The following PHLDB2 variants were observed in gnomAD, a reference collection of about 807,000 sequenced individuals.
PHLDB2 encodes pleckstrin homology-like domain family B member 2.
A neutral mutation model predicts 123.6 loss-of-function variants in PHLDB2; 71 were observed. The observed-to-expected ratio is 0.57, with a 90% CI of 0.47 to 0.70. The LOEUF (loss-of-function observed/expected upper bound fraction) is 0.70, where lower values mean the gene tolerates loss of function less well. Among genes scored for constraint, PHLDB2 ranks in the 30% least tolerant of loss-of-function variants. PHLDB2 has a pLI of 0.00. For missense variants in PHLDB2, 1,446 were observed against 1,519.5 expected (o/e 0.95, Z 0.80); for synonymous variants, 547 against 541.6 (o/e 1.01, Z -0.14).
In PHLDB2 at chr3:111,884,087, C is replaced by A. The variant is rs1262949904; in HGVS notation, c.10C>A (p.His4Asn). The change falls in exon 2 of 18, where the codon CAT becomes AAT. Residue 4 changes from histidine (H) to asparagine (N), a missense_variant. By Grantham distance (68) the His-to-Asn change is moderately conservative. Coordinates refer to ENST00000431670, the MANE Select transcript of PHLDB2 (RefSeq NM_001134438.2). ...AGATTCCAGCAAGATTATGGAAGAG[C>A]ATAGCTACATACAAAAGGAGCTAGA... MEE[H>N]SYIQKELDLQ... 1 of 1,612,628 alleles carries A rather than the reference C, an allele frequency of 6.2e-7. No homozygotes were observed. Among genetic ancestry groups the A allele is most frequent in the African/African-American group, 1.3e-5 (1 of 74,936 alleles).
chr3:111,845,438 G>T (rs985055333), intron 1 of PHLDB2, among the ~76,000 whole-genome samples: 2 of 151,234 alleles, frequency 1.3e-5, no homozygotes, highest in African/African-American at 4.9e-5. Flanking sequence ...TACCTAACAG[G>T]GTGGCTGGTA....
chr3:111,959,870 A>G (rs9811962), intron 12 of PHLDB2, among the ~76,000 whole-genome samples: 68,122 of 151,986 alleles, frequency 0.45, 16,274 homozygotes, highest in African/African-American at 0.55. Context: ...TTTTTCCTCA[A>G]TGTGAAAACT....
intron 13 of PHLDB2, among the ~76,000 whole-genome samples, chr3:111,964,589 A>C (rs903474620): frequency 6.6e-6 from 1 of 151,892 alleles, no homozygotes; most frequent in East Asian, 1.9e-4. Flanking sequence ...TAATCCACCC[A>C]ACTTGGCCTC....
At chr3:111,845,889 G>A in exon 2 of PHLDB2, 1 of 1,614,210 alleles carries the variant, frequency 6.2e-7, no homozygotes, top group Non-Finnish European at 8.5e-7. Context: ...AGGATACCAA[G>A]AGAGAGGTGC....
intron 12 of PHLDB2, chr3:111,960,237 G>T (rs1011998968): frequency 1.8e-5 from 9 of 506,518 alleles, no homozygotes; most frequent in Admixed American, 6.4e-5. Flanking sequence ...GCAGCTTCAC[G>T]CATGTGACTA....
chr3:111,907,464 A>C (rs2067612697), intron 2 of PHLDB2, among the ~76,000 whole-genome samples: 1 of 152,078 alleles, frequency 6.6e-6, no homozygotes, highest in African/African-American at 2.4e-5. Context: ...GGCTTACCCA[A>C]GCTGTAGTAC....
chr3:111,888,730 G>A (rs1577003192), intron 2 of PHLDB2, among the ~76,000 whole-genome samples: 2 of 152,232 alleles, frequency 1.3e-5, no homozygotes, highest in African/African-American at 4.8e-5. Flanking sequence ...CAGGGTGCTT[G>A]TCATATATTA....
intron 5 of PHLDB2, among the ~76,000 whole-genome samples, chr3:111,922,394 C>T (rs1030944670): frequency 2.6e-5 from 4 of 152,156 alleles, no homozygotes; most frequent in Admixed American, 6.5e-5. Flanking sequence ...TCTAGGAACA[C>T]GGGCAGAAAC....
In PHLDB2 at chr3:111,959,449, G is replaced by A. The variant is rs546825040; in HGVS notation, c.2873-2659G>A. Reference sequence around the variant, plus strand: ...AATAAAAATCATGGGTTGGGAAAAAGATGCTTATTATTGGCCTCATGCTTT... The same window carrying A: ...AATAAAAATCATGGGTTGGGAAAAAAATGCTTATTATTGGCCTCATGCTTT... On this transcript the variant is annotated intron_variant, in intron 12 of 17. Transcript: ENST00000431670. Among the ~76,000 whole-genome samples the A allele has an allele frequency of 2.6e-5, 4 of 152,342 alleles. No homozygotes were observed. The East Asian group carries it at 7.7e-4, about 29-fold the overall frequency.
intron 2 of PHLDB2, among the ~76,000 whole-genome samples, chr3:111,897,180 T>A (rs2066923424): frequency 6.6e-6 from 1 of 152,240 alleles, no homozygotes; most frequent in African/African-American, 2.4e-5. Flanking sequence ...CCATATAGCA[T>A]GTAACCTGTG....
intron 5 of PHLDB2, among the ~76,000 whole-genome samples, chr3:111,931,523 C>T (rs2069147311): frequency 6.6e-6 from 1 of 152,006 alleles, no homozygotes; most frequent in Admixed American, 6.6e-5. Flanking sequence ...TTTTCACAGT[C>T]CGTGTTTCAG....
At chr3:111,765,475 G>A (rs377333651) in intron 1 of PHLDB2, among the ~76,000 whole-genome samples, 35 of 152,320 alleles carry the variant, frequency 2.3e-4, no homozygotes, top group African/African-American at 6.7e-4. Context: ...GTTTTCAGAT[G>A]AGAAAATGAG....
intron 1 of PHLDB2, among the ~76,000 whole-genome samples, chr3:111,774,556 C>T (rs1445549026): frequency 6.6e-6 from 1 of 152,176 alleles, no homozygotes; most frequent in Non-Finnish European, 1.5e-5. Context: ...GAAAGGGCAC[C>T]ACTGGGGCTT....
chr3:111,787,546 C>G (rs1266541866), intron 1 of PHLDB2, among the ~76,000 whole-genome samples: 2 of 152,090 alleles, frequency 1.3e-5, no homozygotes, highest in African/African-American at 2.4e-5. Context: ...AGATGAGAAC[C>G]CTTTCAAGCT....
intron 2 of PHLDB2, among the ~76,000 whole-genome samples, chr3:111,887,518 C>A (rs1180127141): frequency 6.6e-6 from 1 of 152,026 alleles, no homozygotes; most frequent in Non-Finnish European, 1.5e-5. Flanking sequence ...TCAGTGAGAA[C>A]AATTTACCAT....
intron 1 of PHLDB2, among the ~76,000 whole-genome samples, chr3:111,811,623 G>A (rs1176967663): frequency 6.6e-6 from 1 of 151,930 alleles, no homozygotes; most frequent in Non-Finnish European, 1.5e-5. Flanking sequence ...TGTGATACAG[G>A]TAATCAATAG....
chr3:111,803,035 C>T (rs1470337853), intron 1 of PHLDB2, among the ~76,000 whole-genome samples: 1 of 152,138 alleles, frequency 6.6e-6, no homozygotes, highest in East Asian at 1.9e-4. Context: ...GGATGTTGTA[C>T]AAAAAGTTTT....
chr3:111,799,337 T>C (rs928971183), intron 1 of PHLDB2, among the ~76,000 whole-genome samples: 3 of 152,188 alleles, frequency 2.0e-5, no homozygotes, highest in Non-Finnish European at 4.4e-5. Flanking sequence ...TCAGCACAAT[T>C]TGAACACAGA....
At chr3:111,804,296 T>A (rs1249275452) in intron 1 of PHLDB2, among the ~76,000 whole-genome samples, 1 of 152,212 alleles carries the variant, frequency 6.6e-6, no homozygotes, top group Non-Finnish European at 1.5e-5. Context: ...GAAGAGATAA[T>A]CTTTTAAAGC....
Sources: gnomAD v4.1 joint callset for allele counts (sites outside exome capture counted in the v4.1 genomes callset) on GRCh38, gnomAD v4.1.1 for gene constraint, MANE v1.5 for transcripts, NCBI Gene and HGNC (gene_info 2026-07-23, HGNC 2026-07-21) for gene names.